The following SCN3A variants were observed in gnomAD, a reference collection of about 807,000 sequenced individuals.
SCN3A encodes sodium voltage-gated channel alpha subunit 3, also known as sodium channel protein type 3 subunit alpha.
A neutral mutation model predicts 187.6 loss-of-function variants in SCN3A; 60 were observed. That is an observed-to-expected ratio of 0.32 (90% CI 0.26 to 0.40). The LOEUF (loss-of-function observed/expected upper bound fraction) is 0.40. Among genes scored for constraint, SCN3A ranks in the 10% least tolerant of loss-of-function variants. The pLI, the probability that SCN3A is intolerant of heterozygous loss-of-function variation, is 1.00. For missense variants in SCN3A, 1,601 were observed against 2,428.2 expected (o/e 0.66, Z 7.16); for synonymous variants, 788 against 829.2 (o/e 0.95, Z 0.85).
At chr2:165,176,695 G>A (rs1318399633) in intron 2 of SCN3A, among the ~76,000 whole-genome samples, 2 of 151,924 alleles carry the variant, frequency 1.3e-5, no homozygotes, top group African/African-American at 4.8e-5. Context: ...ACAATGTACA[G>A]TATATATAAT....
At chr2:165,112,854 C>T in intron 21 of SCN3A, 31 bp downstream of exon 21, 1 of 1,597,780 alleles carries the variant, frequency 6.3e-7, no homozygotes. Flanking sequence ...CTTTTAAAAA[C>T]AATTTTATAA....
In SCN3A at chr2:165,163,498, T is replaced by C. The variant is rs1057270259; in HGVS notation, c.694+120A>G. ...AGCTAAACTGACATTGAAACATCAT[T>C]TGGCATTATTTAACGGGATGAACTG... On this transcript the variant is annotated intron_variant, in intron 7 of 27. Transcript: ENST00000283254. 110 of 1,161,146 alleles carry C rather than the reference T, an allele frequency of 9.5e-5. No individual in the cohort carries two copies. In the African/African-American group the frequency reaches 1.4e-3, roughly 15 times the overall value. The allele number at this position is 1,161,146 out of a possible 1,614,324, so 71.9% of individuals were successfully genotyped here.
chr2:165,170,772 C>T (rs1690054274), intron 3 of SCN3A, among the ~76,000 whole-genome samples: 1 of 151,960 alleles, frequency 6.6e-6, no homozygotes, highest in African/African-American at 2.4e-5. Context: ...AAGGTTCCAA[C>T]TTGCTGATAC....
chr2:165,170,426 A>G lies in SCN3A; in HGVS notation c.383+4T>C. ...CATTTAGGCAATTCACATTAAAAGG[A>G]TATGAATGTACCAAAATCTTGATAG... On this transcript the variant is annotated splice_donor_region_variant and intron_variant, in intron 4 of 27. Transcript: ENST00000283254. 1 of 1,473,426 alleles carries G rather than the reference A, an allele frequency of 6.8e-7. No individual in the cohort carries two copies. The highest frequency in any genetic ancestry group is 1.4e-5 in the African/African-American group (1 of 72,182). The allele number at this position is 1,473,426 out of a possible 1,614,324, so 91.3% of individuals were successfully genotyped here.
chr2:165,180,067 G>A (rs894502222), intron 2 of SCN3A, among the ~76,000 whole-genome samples: 29 of 152,046 alleles, frequency 1.9e-4, no homozygotes, highest in African/African-American at 6.8e-4. Context: ...AAAAATCTTA[G>A]GAGATGATCT....
intron 9 of SCN3A, among the ~76,000 whole-genome samples, chr2:165,157,916 A>AT (rs139629526): frequency 0.036 from 5,420 of 150,774 alleles, 122 homozygotes; most frequent in East Asian, 0.085. Flanking sequence ...TGTGGGTTGC[A>AT]TTTTTTTTTG....
At chr2:165,136,608 A>G (rs1369543126) in intron 15 of SCN3A, among the ~76,000 whole-genome samples, 2 of 152,136 alleles carry the variant, frequency 1.3e-5, no homozygotes, top group Non-Finnish European at 2.9e-5. Context: ...ACTCAATTCC[A>G]CTCCACTGCA....
chr2:165,122,808 T>G (rs935024368), intron 18 of SCN3A: 1 of 152,156 alleles, frequency 6.6e-6, no homozygotes, highest in African/African-American at 2.4e-5. Context: ...ACAACTTGCT[T>G]GGATAACCTG....
intron 1 of SCN3A, among the ~76,000 whole-genome samples, chr2:165,194,647 A>T (rs1691830819): frequency 6.6e-6 from 1 of 152,100 alleles, no homozygotes; most frequent in African/African-American, 2.4e-5. Context: ...AACTCTAGAT[A>T]TTCAATTTTG....
intron 3 of SCN3A, among the ~76,000 whole-genome samples, chr2:165,174,558 T>G (rs901249780): frequency 2.6e-5 from 4 of 152,224 alleles, no homozygotes; most frequent in African/African-American, 9.6e-5. Context: ...ACCAGCCTGA[T>G]TGATTCTCTT....
intron 18 of SCN3A, among the ~76,000 whole-genome samples, chr2:165,120,609 A>G (rs1432247599): frequency 6.6e-6 from 1 of 152,008 alleles, no homozygotes; most frequent in Non-Finnish European, 1.5e-5. Context: ...TTCTCTAAAA[A>G]GTTGTGGATT....
intron 1 of SCN3A, among the ~76,000 whole-genome samples, chr2:165,200,091 A>C (rs1433757988): frequency 1.3e-5 from 2 of 152,110 alleles, no homozygotes; most frequent in Non-Finnish European, 2.9e-5. Flanking sequence ...TTTGCCATGA[A>C]AGTTGTTTAT....
At chr2:165,141,789 A>G (rs548572400) in intron 12 of SCN3A, among the ~76,000 whole-genome samples, 2 of 152,350 alleles carry the variant, frequency 1.3e-5, no homozygotes, top group South Asian at 4.1e-4. Context: ...TAAAAGCAAG[A>G]CATATAACAT....
At chr2:165,156,002 G>T in intron 9 of SCN3A, 99 bp from the exon 10 acceptor site, 1 of 1,410,074 alleles carries the variant, frequency 7.1e-7, no homozygotes, top group Admixed American at 1.7e-5. Context: ...GCTGCTATCT[G>T]TGACGAATTA....
chr2:165,176,569 T>G, intron 2 of SCN3A, 125 bp from the exon 3 acceptor site: 1 of 676,498 alleles, frequency 1.5e-6, no homozygotes, highest in South Asian at 1.8e-5. Context: ...CTTTTAGTAC[T>G]GCACTACACA....
intron 18 of SCN3A, among the ~76,000 whole-genome samples, chr2:165,116,493 G>A (rs1305610174): frequency 6.6e-6 from 1 of 152,162 alleles, no homozygotes; most frequent in Non-Finnish European, 1.5e-5. Context: ...GCACAACCTA[G>A]ATAATGTAAA....
chr2:165,116,467 A>G (rs892473613), intron 18 of SCN3A, among the ~76,000 whole-genome samples: 1 of 152,222 alleles, frequency 6.6e-6, no homozygotes, highest in African/African-American at 2.4e-5. Flanking sequence ...AAACAGTTGC[A>G]AAGACATGAC....
intron 5 of SCN3A, among the ~76,000 whole-genome samples, chr2:165,167,437 G>C (rs1391557144): frequency 6.6e-6 from 1 of 151,936 alleles, no homozygotes; most frequent in African/African-American, 2.4e-5. Context: ...TAAATCCTCA[G>C]AGAAATCTAT....
chr2:165,090,698 C>A lies in SCN3A; in HGVS notation c.5455G>T (p.Ala1819Ser). Residue 1819 changes from alanine (A) to serine (S), a missense_variant, in exon 28 of 28, where the codon GCC becomes TCC. By Grantham distance (99) the Ala-to-Ser change is moderately conservative. Transcript: ENST00000283254. This position sits in a 1 kb window ranked among gnomAD's most constrained non-coding sequence, Gnocchi z 4.0. ...EFSKLSDFAA[A>S]LDPPLLIAKP... Reference sequence around the variant, plus strand: ...GCTATGAGAAGAGGAGGATCCAGGGCAGCTGCAAAATCAGAGAGTTTAGAG... The same window carrying A: ...GCTATGAGAAGAGGAGGATCCAGGGAAGCTGCAAAATCAGAGAGTTTAGAG... The A allele has an allele frequency of 6.2e-7, 1 of 1,614,062 alleles. No homozygotes were observed. The highest frequency in any genetic ancestry group is 1.1e-5 in the South Asian group (1 of 91,080).
Sources: gnomAD v4.1 joint callset for allele counts (sites outside exome capture counted in the v4.1 genomes callset) on GRCh38, gnomAD v4.1.1 for gene constraint, Gnocchi (gnomAD v3.1) non-coding constraint, MANE v1.5 for transcripts, NCBI Gene and HGNC (gene_info 2026-07-23, HGNC 2026-07-21) for gene names.